ALMS1: variants seen among roughly 807,000 people sequenced by gnomAD.
ALMS1 encodes ALMS1 centrosome and basal body associated protein.
A neutral mutation model predicts 352.2 loss-of-function variants in ALMS1; 271 were observed. The observed-to-expected ratio is 0.77, with a 90% confidence interval of 0.70 to 0.85. ALMS1 has a LOEUF of 0.85. ALMS1 is among the 40% of genes least tolerant of loss of function. ALMS1 has a pLI of 0.00. For missense variants in ALMS1, 5,445 were observed against 4,870.7 expected, an observed-to-expected ratio of 1.12 and a Z score of -3.51; for synonymous variants, 1,865 against 1,761.2, an observed-to-expected ratio of 1.06 and a Z score of -1.48.
At chr2:73,543,205 A>G (rs1674229860) in intron 12 of ALMS1, among the ~76,000 whole-genome samples, 1 of 152,180 alleles carries the variant, frequency 6.6e-6, no homozygotes, top group African/African-American at 2.4e-5. Flanking sequence ...CCTCAGAAAT[A>G]ATGCCGCATA....
chr2:73,521,992 C>T (rs1472304413), intron 11 of ALMS1, among the ~76,000 whole-genome samples: 5 of 152,246 alleles, frequency 3.3e-5, no homozygotes, highest in African/African-American at 1.2e-4. Context: ...AACTACATGA[C>T]TGCTTACCCA....
At chr2:73,390,895 G>A (rs998406733) in intron 1 of ALMS1, among the ~76,000 whole-genome samples, 4 of 151,232 alleles carry the variant, frequency 2.6e-5, no homozygotes, top group East Asian at 1.9e-4. Flanking sequence ...CTCAGCCTCC[G>A]CAGTAGCTGG....
chr2:73,479,472 T>C (rs1225693212), intron 9 of ALMS1, among the ~76,000 whole-genome samples: 1 of 152,238 alleles, frequency 6.6e-6, no homozygotes, highest in Non-Finnish European at 1.5e-5. Context: ...TGATAACATA[T>C]AGTATGCAAC....
At position 73,422,917 on chromosome 2, in the gene ALMS1, A is replaced by G. The variant is rs1671311578; in HGVS notation, c.707A>G (p.Gln236Arg). The change falls in exon 4 of 23, where the codon CAA becomes CGA. Residue 236 changes from glutamine (Q) to arginine (R), a missense_variant. Coordinates refer to ENST00000613296, the MANE Select transcript of ALMS1 (RefSeq NM_001378454.1). ...LPLLTCLTQD[Q>R]EFAPDSLFHQ... Reference sequence around the variant, plus strand: ...TTGCTGACCTGTTTGACACAAGACCAAGAATTTGCGCCTGATTCTTTATTT... The same window carrying G: ...TTGCTGACCTGTTTGACACAAGACCGAGAATTTGCGCCTGATTCTTTATTT... The G allele has an allele frequency of 6.2e-7, 1 of 1,613,656 alleles. No homozygotes were observed. The highest frequency in any genetic ancestry group is 8.5e-7 in the Non-Finnish European group (1 of 1,179,744).
chr2:73,542,865 G>A (rs1218199207), intron 12 of ALMS1, among the ~76,000 whole-genome samples: 1 of 151,938 alleles, frequency 6.6e-6, no homozygotes, highest in Non-Finnish European at 1.5e-5. Flanking sequence ...AAATAAAAGA[G>A]GATACAAACA....
At chr2:73,514,680 A>C (rs1401511699) in intron 10 of ALMS1, among the ~76,000 whole-genome samples, 2 of 152,116 alleles carry the variant, frequency 1.3e-5, no homozygotes, top group East Asian at 3.8e-4. Flanking sequence ...TCTTTCTAGC[A>C]GTTCTGTACT....
At chr2:73,459,886 C>CTT (rs1672149623) in intron 9 of ALMS1, among the ~76,000 whole-genome samples, 1 of 152,084 alleles carries the variant, frequency 6.6e-6, no homozygotes, top group African/African-American at 2.4e-5. Context: ...ATGCTGTTGC[C>CTT]TTTATGCCCT....
chr2:73,557,095 A>T, intron 13 of ALMS1, 125 bp from the exon 14 acceptor site: 1 of 1,300,360 alleles, frequency 7.7e-7, no homozygotes, highest in Non-Finnish European at 1.1e-6. Flanking sequence ...GTGGAGCCTA[A>T]GAGGTACTTT....
rs766145017 is a variant in ALMS1, at chr2:73,489,727, C to G, written c.7768C>G (p.Leu2590Val). 4 of 1,614,024 alleles carry G rather than the reference C, an allele frequency of 2.5e-6. No homozygotes were observed. The highest frequency in any genetic ancestry group is 1.1e-5 in the South Asian group (1 of 91,086). Residue 2590 changes from leucine (L) to valine (V), a missense_variant, in exon 10 of 23, where the codon CTA (leucine) becomes GTA (valine). By Grantham distance (32) the Leu-to-Val change is conservative. Coordinates refer to ENST00000613296, the MANE Select transcript of ALMS1 (RefSeq NM_001378454.1). ...CCATGAAAAGGGATGTTTCCGGACT[C>G]TAACTTCTGAACATCCACAACTAGA... ...ESHEKGCFRT[L>V]TSEHPQLDRH...
At chr2:73,479,786 A>G (rs948938172) in intron 9 of ALMS1, among the ~76,000 whole-genome samples, 1 of 152,160 alleles carries the variant, frequency 6.6e-6, no homozygotes, top group African/African-American at 2.4e-5. Context: ...GTTTTTTGAA[A>G]GACAGGCCAC....
intron 10 of ALMS1, among the ~76,000 whole-genome samples, chr2:73,512,553 A>AT (rs967447266): frequency 3.3e-5 from 5 of 151,784 alleles, no homozygotes; most frequent in African/African-American, 4.8e-5. Context: ...TTCTAATTGC[A>AT]TTTTTTTTAC....
chr2:73,447,053 A>G lies in ALMS1; in HGVS notation c.1433-907A>G, dbSNP rs996638444. ...AAATTAGCTCTGTGAGGTAGGGATT[A>G]TTGTCTGTTTATTGCTGTATGTAGA... is the stretch of plus-strand genomic sequence containing the variant. On this transcript the variant is annotated intron_variant, in intron 7 of 22. Coordinates refer to ENST00000613296, the MANE Select transcript of ALMS1 (RefSeq NM_001378454.1). Among the ~76,000 whole-genome samples the G allele has an allele frequency of 1.9e-4, 7 of 36,342 alleles. No homozygotes were observed. In the South Asian group the frequency reaches 2.0e-3, roughly 11 times the overall value. 23.8% of individuals were successfully genotyped at this position (36,342 alleles called of 152,430 possible).
At chr2:73,402,951 A>G (rs987316716) in intron 1 of ALMS1, among the ~76,000 whole-genome samples, 2 of 152,088 alleles carry the variant, frequency 1.3e-5, no homozygotes, top group African/African-American at 4.8e-5. Context: ...TATCAGATAT[A>G]TGGTTTGCAG....
At chr2:73,572,230 G>T (rs1371133020) in intron 15 of ALMS1, 32 bp from the exon 16 acceptor site, 1 of 1,572,324 alleles carries the variant, frequency 6.4e-7, no homozygotes, top group Non-Finnish European at 8.7e-7. Context: ...AATTTTTTAA[G>T]TTCTTTCAAA....
intron 13 of ALMS1, among the ~76,000 whole-genome samples, chr2:73,556,517 G>A (rs1335067014): frequency 6.6e-6 from 1 of 151,858 alleles, no homozygotes; most frequent in Admixed American, 6.6e-5. Flanking sequence ...TGCTTTTCTT[G>A]GATTATATGA....
intron 9 of ALMS1, among the ~76,000 whole-genome samples, chr2:73,455,640 G>A (rs566316344): frequency 2.6e-5 from 4 of 152,302 alleles, no homozygotes; most frequent in South Asian, 2.1e-4. Context: ...GGATTCAAGC[G>A]ATCCTCTTGC....
intron 2 of ALMS1, among the ~76,000 whole-genome samples, chr2:73,410,603 A>G (rs569032434): frequency 1.6e-4 from 25 of 152,274 alleles, no homozygotes; most frequent in Non-Finnish European, 2.6e-4. Flanking sequence ...TATGAAGACA[A>G]TCTTGCCTTA....
intron 9 of ALMS1, among the ~76,000 whole-genome samples, chr2:73,474,513 C>G (rs1368174838): frequency 6.6e-6 from 1 of 151,908 alleles, no homozygotes; most frequent in African/African-American, 2.4e-5. Flanking sequence ...CTTGCTCAGT[C>G]ACCGAGGCTG....
At chr2:73,390,847 T>C (rs1313436494) in intron 1 of ALMS1, among the ~76,000 whole-genome samples, 2 of 151,882 alleles carry the variant, frequency 1.3e-5, no homozygotes. Flanking sequence ...CTTGGCTAAC[T>C]GCAACCTCCG....
Sources: gnomAD v4.1 joint callset for allele counts (sites outside exome capture counted in the v4.1 genomes callset) on GRCh38, gnomAD v4.1.1 for gene constraint, MANE v1.5 for transcripts, NCBI Gene and HGNC (gene_info 2026-07-23, HGNC 2026-07-21) for gene names.